KCP: variants seen among roughly 807,000 people sequenced by gnomAD.
The protein encoded by KCP is kielin cysteine rich BMP regulator.
KCP carries 194 observed loss-of-function variants against 212.7 expected under a neutral mutation model. The observed-to-expected ratio is 0.91, with a 90% confidence interval of 0.81 to 1.03. The LOEUF is 1.03. KCP is among the 50% of genes least tolerant of loss of function. The pLI is 0.00. For synonymous variants in KCP, 833 were observed against 865.3 expected, an observed-to-expected ratio of 0.96 and a Z score of 0.65; for missense variants, 2,080 against 2,162.5, an observed-to-expected ratio of 0.96 and a Z score of 0.76.
chr7:128,903,638 C>A, intron 7 of KCP, 89 bp downstream of exon 7: 1 of 1,124,532 alleles, frequency 8.9e-7, no homozygotes, highest in South Asian at 1.6e-5. Context: ...ACCAAACCCA[C>A]TGGAGGCCGG....
At chr7:128,896,485 T>C (rs796773541) in intron 8 of KCP, among the ~76,000 whole-genome samples, 67 of 152,324 alleles carry the variant, frequency 4.4e-4, no homozygotes, top group African/African-American at 1.5e-3. Context: ...TGCCTTGTAC[T>C]CTTTGCTGAC....
intron 8 of KCP, among the ~76,000 whole-genome samples, chr7:128,901,970 AC>A (rs1318562446): frequency 6.6e-6 from 1 of 151,862 alleles, no homozygotes; most frequent in Non-Finnish European, 1.5e-5. Context: ...AGTAAACACC[AC>A]CCCACCCATG....
At position 128,877,080 on chromosome 7, in the gene KCP, C is replaced by G; in HGVS notation, c.4850G>C (p.Arg1617Pro). The G allele has an allele frequency of 6.6e-7, 1 of 1,521,426 alleles. No homozygotes were observed. The highest frequency in any genetic ancestry group is 1.7e-4 in the Middle Eastern group (1 of 5,726). 94.2% of individuals were successfully genotyped at this position (1,521,426 alleles called of 1,614,324 possible). A position where few individuals can be genotyped will look rare whatever the true frequency, so the allele number is the denominator to read the frequency against. ...CTGGGGCTCCCGGCTGGGGCTGGGC[C>G]GAGCACCAAGTGGCTGGTCTCCAGT... ...LLTGDQPLGA[R>P]PSPSREPQET... Residue 1617 changes from arginine to proline, a missense_variant, in exon 40 of 40, where the codon CGG becomes CCG. By Grantham distance (103) the Arg-to-Pro change is moderately radical. Transcript: ENST00000610776.
intron 21 of KCP, among the ~76,000 whole-genome samples, chr7:128,889,594 A>G (rs1793958449): frequency 6.6e-6 from 1 of 152,244 alleles, no homozygotes; most frequent in African/African-American, 2.4e-5. Flanking sequence ...TAACAACATT[A>G]TAATTTTAAT....
At chr7:128,883,794 A>G (rs1793475095) in intron 29 of KCP, among the ~76,000 whole-genome samples, 2 of 152,160 alleles carry the variant, frequency 1.3e-5, no homozygotes, top group Non-Finnish European at 2.9e-5. Context: ...ATGCTCCACA[A>G]ACTGCACCCA....
At chr7:128,893,136 TG>T in intron 13 of KCP, 101 bp downstream of exon 13, 2 of 1,222,496 alleles carry the variant, frequency 1.6e-6, no homozygotes, top group Non-Finnish European at 2.3e-6. Context: ...GAATGGCTAG[TG>T]GACTTAGCAA....
At chr7:128,903,985 A>G (rs1054048315) in intron 6 of KCP, 71 bp downstream of exon 6, 1 of 1,438,600 alleles carries the variant, frequency 7.0e-7, no homozygotes, top group Non-Finnish European at 9.6e-7. Flanking sequence ...GAGGAGTGGC[A>G]GGCAGGGCCC....
At chr7:128,890,607 C>T (rs1256191372) in intron 20 of KCP, 94 bp from the exon 21 acceptor site, 5 of 232,514 alleles carry the variant, frequency 2.2e-5, no homozygotes, top group East Asian at 2.2e-4. Context: ...GGACGGGTGT[C>T]GTGGGGGCCG....
Position 128,884,051 on chromosome 7 carries a change from G to A in KCP, c.3195C>T (p.Pro1065=), listed in dbSNP as rs1427301558. ...RQCPSLVGCP[P]SQLLPPGPQH... is the part of the protein sequence containing the mutation. ...GGGGCCCAGGGGGCAGGAGCTGGCT[G>A]GGGGGGCAGCCCACCAGGCTGGGAC... Residue 1065 remains proline, a synonymous_variant, in exon 29 of 40, where the codon CCC becomes CCT. Transcript: ENST00000610776. 9 of 1,543,362 alleles carry A rather than the reference G, an allele frequency of 5.8e-6. No individual in the cohort carries two copies. The highest frequency in any genetic ancestry group is 7.9e-6 in the Non-Finnish European group (9 of 1,144,742).
In KCP at chr7:128,884,766, T is replaced by C; in HGVS notation, c.3123+15A>G. The C allele has an allele frequency of 1.3e-6, 2 of 1,550,616 alleles. No homozygotes were observed. The highest frequency in any genetic ancestry group is 2.4e-5 in the East Asian group (1 of 40,916). On this transcript the variant is annotated intron_variant, in intron 28 of 39. Coordinates refer to ENST00000610776, the MANE Select transcript of KCP (RefSeq NM_001366122.1). ...CGACGAGGTGCCCCAGCCCCACCAC[T>C]GTGCCCTCACCTACCTCGCAGATGC...
At chr7:128,909,716 G>T (rs900139529) in intron 1 of KCP, among the ~76,000 whole-genome samples, 1 of 152,158 alleles carries the variant, frequency 6.6e-6, no homozygotes, top group African/African-American at 2.4e-5. Flanking sequence ...CCAGGAGCAA[G>T]TCCCGCTGGG....
At position 128,882,015 on chromosome 7, in the gene KCP, C is replaced by T. The variant is rs1049049959; in HGVS notation, c.3246G>A (p.Glu1082=). The part of the protein sequence containing the change: ...GPQHCCPTCA[E]ALSNCSEGLL... ...GGCCCTCTGAACAGTTACTCAAGGCCTCTGTGAAGACAAGAATCCAGAGTG... is the reference window on the plus strand; with the variant it reads ...GGCCCTCTGAACAGTTACTCAAGGCTTCTGTGAAGACAAGAATCCAGAGTG... Residue 1082 remains glutamate, a splice_region_variant and synonymous_variant, in exon 30 of 40, where the codon GAG becomes GAA. Coordinates refer to ENST00000610776, the MANE Select transcript of KCP (RefSeq NM_001366122.1). The T allele has an allele frequency of 9.0e-6, 14 of 1,550,620 alleles. No homozygotes were observed. The African/African-American group carries it at 1.8e-4, about 20-fold the overall frequency.
At chr7:128,890,747 G>A (rs974166607) in intron 20 of KCP, among the ~76,000 whole-genome samples, 158 bp downstream of exon 20, 8 of 151,992 alleles carry the variant, frequency 5.3e-5, no homozygotes, top group Non-Finnish European at 1.0e-4. Context: ...GGGCCGTGCC[G>A]GCTGGCTCCC....
intron 37 of KCP, 46 bp from the exon 38 acceptor site, chr7:128,878,768 C>T (rs1469030908): frequency 1.3e-6 from 2 of 1,522,480 alleles, no homozygotes; most frequent in African/African-American, 2.8e-5. Flanking sequence ...GGACAGGGGC[C>T]TTAAGAAGCC....
chr7:128,879,770 G>A lies in KCP; in HGVS notation c.3992C>T (p.Ala1331Val), dbSNP rs1385667319. 5.2e-6 allele frequency: 8 copies of A among 1,550,336 alleles called. No homozygotes were observed. The highest frequency in any genetic ancestry group is 3.9e-5 in the Admixed American group (2 of 50,954). ...RSGVAWTQEV[A>V]VLLGDMAVRL... is the part of the protein sequence containing the mutation. ...CACGGCCATGTCTCCCAGCAGCACC[G>A]CCACCTCCTGGGTCCAGGCCACACC... is the stretch of plus-strand genomic sequence containing the variant. The change falls in exon 36 of 40, where the codon GCG becomes GTG. Residue 1331 changes from alanine (A) to valine (V), a missense_variant. Coordinates refer to ENST00000610776, the MANE Select transcript of KCP (RefSeq NM_001366122.1).
chr7:128,890,362 G>A lies in KCP; in HGVS notation c.2316C>T (p.Asp772=). Residue 772 remains aspartate (D), a synonymous_variant, in exon 21 of 40, where the codon GAC becomes GAT. Coordinates refer to ENST00000610776, the MANE Select transcript of KCP (RefSeq NM_001366122.1). ...PALCPFPARG[D]CCPDCDGCEY... Reference sequence around the variant, plus strand: ...CCTCACCATCACAGTCAGGGCAGCAGTCGCCCCTGGCAGGGAAGGGGCACA... The same window carrying A: ...CCTCACCATCACAGTCAGGGCAGCAATCGCCCCTGGCAGGGAAGGGGCACA... The A allele has an allele frequency of 6.4e-7, 1 of 1,551,448 alleles. No homozygotes were observed.
Position 128,907,408 on chromosome 7 carries a change from A to C in KCP, c.265T>G (p.Cys89Gly). The change falls in exon 3 of 40, where the codon TGC becomes GGC. Residue 89 changes from cysteine (C) to glycine (G), a missense_variant. Coordinates refer to ENST00000610776, the MANE Select transcript of KCP (RefSeq NM_001366122.1). ...TRVRQLESCE[C>G]HPASPQCWGL... ...CAGCACTGGGGAGATGCAGGGTGGCACTCACAGGACTCCAGCTGCCTCACC... is the reference window on the plus strand; with the variant it reads ...CAGCACTGGGGAGATGCAGGGTGGCCCTCACAGGACTCCAGCTGCCTCACC... The C allele has an allele frequency of 6.6e-7, 1 of 1,520,016 alleles. No individual in the cohort carries two copies. Among genetic ancestry groups the C allele is most frequent in the Non-Finnish European group, 8.9e-7 (1 of 1,124,018 alleles). 94.2% of individuals were successfully genotyped at this position (1,520,016 alleles called of 1,614,324 possible).
At chr7:128,890,802 G>A (rs1170742159) in intron 20 of KCP, 103 bp downstream of exon 20, 24 of 1,037,586 alleles carry the variant, frequency 2.3e-5, no homozygotes, top group Non-Finnish European at 2.9e-5. Context: ...GATCCCCGAC[G>A]TGGGCGGAGC....
intron 4 of KCP, among the ~76,000 whole-genome samples, chr7:128,906,855 C>G (rs1795146105): frequency 6.6e-6 from 1 of 152,010 alleles, no homozygotes; most frequent in African/African-American, 2.4e-5. Flanking sequence ...TTGCACCAAC[C>G]TAATACATTC....
Sources: gnomAD v4.1 joint callset for allele counts (sites outside exome capture counted in the v4.1 genomes callset) on GRCh38, gnomAD v4.1.1 for gene constraint, MANE v1.5 for transcripts, NCBI Gene and HGNC (gene_info 2026-07-23, HGNC 2026-07-21) for gene names.